Variants in SLC24A2 observed in about 807,000 individuals in gnomAD.
SLC24A2 encodes sodium/potassium/calcium exchanger 2.
Under a neutral mutation model 62.0 loss-of-function variants are expected in SLC24A2, and 36 were observed. That is an observed-to-expected ratio of 0.58 (90% CI 0.44 to 0.77). The LOEUF is 0.77. Ranked by LOEUF, SLC24A2 falls within the 30% of genes least tolerant of loss-of-function variation. The probability of loss-of-function intolerance (pLI) is 0.00; values close to 1 mark genes in which losing one functional copy is unlikely to be tolerated. For missense variants in SLC24A2, 846 were observed against 817.9 expected, an observed-to-expected ratio of 1.03 and a Z score of -0.42; for synonymous variants, 358 against 294.0, an observed-to-expected ratio of 1.22 and a Z score of -2.23.
chr9:19,610,397 G>A (rs1290308861), intron 4 of SLC24A2, among the ~76,000 whole-genome samples: 2 of 152,142 alleles, frequency 1.3e-5, no homozygotes, highest in African/African-American at 4.8e-5. Flanking sequence ...TTAGCTTCTT[G>A]TTGCGATGAT....
chr9:19,549,994 G>T, intron 8 of SLC24A2, 143 bp downstream of exon 8: 1 of 776,020 alleles, frequency 1.3e-6, no homozygotes, highest in South Asian at 1.5e-5. Flanking sequence ...TTACATAATA[G>T]TTGTACCTAT....
At chr9:19,754,204 T>A (rs1194633404) in intron 2 of SLC24A2, among the ~76,000 whole-genome samples, 1 of 152,116 alleles carries the variant, frequency 6.6e-6, no homozygotes, top group Non-Finnish European at 1.5e-5. Flanking sequence ...GAAGAAAGGA[T>A]CCGCCTGCAG....
At chr9:19,871,729 T>C in the SLC24A2 span, among the ~76,000 whole-genome samples, 22 of 152,220 alleles carry the variant, frequency 1.4e-4, no homozygotes, top group African/African-American at 5.3e-4. Flanking sequence ...TATTATTATT[T>C]ATCTATACTT....
chr9:19,551,035 G>A lies in SLC24A2; in HGVS notation c.1348-767C>T, dbSNP rs138586116. Among the ~76,000 whole-genome samples the A allele has an allele frequency of 2.8e-3, 425 of 152,112 alleles. 8 individuals carry two copies. Among genetic ancestry groups the A allele is most frequent in the Admixed American group, 0.024 (366 of 15,280 alleles). On this transcript the variant is annotated intron_variant, in intron 7 of 10. Transcript: ENST00000341998. ...TATATAGTGTGTTGTTGCTAGCTACGGTCACCCTAGTCTCCTAAGGAACAT... is the reference window on the plus strand; with the variant it reads ...TATATAGTGTGTTGTTGCTAGCTACAGTCACCCTAGTCTCCTAAGGAACAT...
chr9:19,521,501 A>G (rs1833198271), intron 9 of SLC24A2, among the ~76,000 whole-genome samples: 1 of 152,226 alleles, frequency 6.6e-6, no homozygotes, highest in Admixed American at 6.5e-5. Context: ...ATTCTCCTTT[A>G]GCATCTCCTA....
intron 4 of SLC24A2, among the ~76,000 whole-genome samples, chr9:19,608,917 C>T (rs979752795): frequency 2.6e-5 from 4 of 152,170 alleles, no homozygotes; most frequent in African/African-American, 4.8e-5. Context: ...AAAGGAACCA[C>T]GTTTTGGTTG....
chr9:19,893,802 G>T, the SLC24A2 span, among the ~76,000 whole-genome samples: 1 of 152,138 alleles, frequency 6.6e-6, no homozygotes, highest in African/African-American at 2.4e-5. Flanking sequence ...CGCCACACAG[G>T]GTTAGGGTCA....
intron 2 of SLC24A2, among the ~76,000 whole-genome samples, chr9:19,715,771 G>C (rs917658032): frequency 6.6e-6 from 1 of 152,238 alleles, no homozygotes; most frequent in Admixed American, 6.5e-5. Context: ...ATTATATGCT[G>C]ATTATGTACA....
chr9:20,029,286 A>G, the SLC24A2 span, among the ~76,000 whole-genome samples: 1 of 152,248 alleles, frequency 6.6e-6, no homozygotes, highest in East Asian at 1.9e-4. Context: ...GTGGCAGGAG[A>G]GCTGTGTGTC....
At chr9:19,728,668 C>T (rs975518825) in intron 2 of SLC24A2, among the ~76,000 whole-genome samples, 2 of 151,968 alleles carry the variant, frequency 1.3e-5, no homozygotes. Flanking sequence ...ACAGCTGTCA[C>T]CAACATTTTA....
the SLC24A2 span, among the ~76,000 whole-genome samples, chr9:20,097,924 A>G: frequency 6.6e-6 from 1 of 151,152 alleles, no homozygotes. Context: ...TTGTATTTTT[A>G]GTAGAGACGG....
the SLC24A2 span, among the ~76,000 whole-genome samples, chr9:20,159,314 C>T: frequency 2.0e-5 from 3 of 151,602 alleles, no homozygotes; most frequent in Non-Finnish European, 3.0e-5. Flanking sequence ...CATCCCATCA[C>T]GATGAAATTT....
the SLC24A2 span, among the ~76,000 whole-genome samples, chr9:19,833,111 C>T: frequency 4.6e-5 from 7 of 152,050 alleles, no homozygotes; most frequent in South Asian, 4.1e-4. Context: ...CCAAGATGGC[C>T]GAATAGGAAC....
At chr9:20,292,590 C>A in the SLC24A2 span, among the ~76,000 whole-genome samples, 1 of 152,130 alleles carries the variant, frequency 6.6e-6, no homozygotes, top group African/African-American at 2.4e-5. Context: ...AATTCGTTGT[C>A]TTACGGTTCT....
chr9:19,955,082 T>C, the SLC24A2 span, among the ~76,000 whole-genome samples: 43 of 152,278 alleles, frequency 2.8e-4, no homozygotes, highest in African/African-American at 1.0e-3. Context: ...AATTCTAAGA[T>C]ACAAATATCT....
chr9:19,617,561 G>T (rs1817801874), intron 4 of SLC24A2, among the ~76,000 whole-genome samples: 2 of 152,148 alleles, frequency 1.3e-5, no homozygotes, highest in Admixed American at 1.3e-4. Context: ...AATGATGAAG[G>T]TGCTGATATT....
chr9:20,030,338 C>T, the SLC24A2 span, among the ~76,000 whole-genome samples: 1 of 152,134 alleles, frequency 6.6e-6, no homozygotes, highest in Non-Finnish European at 1.5e-5. Context: ...TAAATCGCTA[C>T]CTAAAGGGTA....
rs1480502098 is a variant in SLC24A2 at position 19,615,782 on chromosome 9, A to G, written c.1078+3802T>C. Among the ~76,000 whole-genome samples, 9 of 152,184 alleles carry G rather than the reference A, an allele frequency of 5.9e-5. No individual in the cohort carries two copies. In the East Asian group the frequency reaches 1.7e-3, roughly 29 times the overall value. On this transcript the variant is annotated intron_variant, in intron 4 of 10. Coordinates refer to ENST00000341998, the MANE Select transcript of SLC24A2 (RefSeq NM_020344.4). Reference sequence around the variant, plus strand: ...AGTTTAATTGTAGCACAGCTCCACAAGGGCCAGGCGTTTTGGAAAATCACT... The same window carrying G: ...AGTTTAATTGTAGCACAGCTCCACAGGGGCCAGGCGTTTTGGAAAATCACT...
In SLC24A2 at chr9:19,576,939, C is replaced by G. The variant is rs751391521; in HGVS notation, c.1213G>C (p.Ala405Pro). Residue 405 changes from alanine to proline, a missense_variant, in exon 6 of 11, where the codon GCT (alanine) becomes CCT (proline). Ala to Pro is a conservative substitution (Grantham distance 27, BLOSUM62 -1). Coordinates refer to ENST00000341998, the MANE Select transcript of SLC24A2 (RefSeq NM_020344.4). ...CTGCACTCACCCACGTGGTTGGCAG[C>G]CCCATTCTGCCTCTCGTTCTCATCC... is the stretch of plus-strand genomic sequence containing the variant. ...HVDENERQNG[A>P]ANHVEKIELP... The G allele has an allele frequency of 1.5e-5, 24 of 1,613,346 alleles. No homozygotes were observed. In the Admixed American group the frequency reaches 3.8e-4, roughly 26 times the overall value.
Sources: allele counts gnomAD v4.1 joint callset (sites outside exome capture counted in the v4.1 genomes callset), GRCh38; gene constraint gnomAD v4.1.1; transcripts MANE v1.5; gene names NCBI Gene and HGNC (gene_info 2026-07-23, HGNC 2026-07-21).